The following MAP4 variants were observed in gnomAD, a reference collection of about 807,000 sequenced individuals.
MAP4 encodes the protein microtubule-associated protein 4.
MAP4 carries 76 observed loss-of-function variants against 170.2 expected under a neutral mutation model. That is an observed-to-expected ratio of 0.45 (90% CI 0.37 to 0.54). The LOEUF (loss-of-function observed/expected upper bound fraction) is 0.54. Among genes scored for constraint, MAP4 ranks in the 20% least tolerant of loss-of-function variants. The pLI is 0.00. For synonymous variants in MAP4, 909 were observed against 994.5 expected (o/e 0.91, Z 1.62); for missense variants, 2,506 against 2,748.0 (o/e 0.91, Z 1.97).
At chr3:48,054,225 G>A (rs1278581294) in intron 1 of MAP4, among the ~76,000 whole-genome samples, 1 of 151,994 alleles carries the variant, frequency 6.6e-6, no homozygotes, top group Non-Finnish European at 1.5e-5. Flanking sequence ...TTGAACCCAG[G>A]AGGCGGAGAT....
At chr3:47,999,543 C>T in intron 1 of MAP4, among the ~76,000 whole-genome samples, 1 of 152,082 alleles carries the variant, frequency 6.6e-6, no homozygotes. Flanking sequence ...AGATCATGTC[C>T]TTTGTGGGAA....
chr3:47,870,227 T>A (rs1230024906), intron 15 of MAP4, among the ~76,000 whole-genome samples: 2 of 152,090 alleles, frequency 1.3e-5, no homozygotes, highest in Admixed American at 6.6e-5. Context: ...AACCAGAAAA[T>A]CTTAACCACC....
At chr3:48,030,188 A>T (rs1044563322) in intron 1 of MAP4, among the ~76,000 whole-genome samples, 1 of 151,140 alleles carries the variant, frequency 6.6e-6, no homozygotes, top group African/African-American at 2.4e-5. Context: ...TAAGAATTTG[A>T]TTTCAGTCTT....
At chr3:47,940,077 A>G (rs2100055335) in intron 3 of MAP4, among the ~76,000 whole-genome samples, 1 of 152,072 alleles carries the variant, frequency 6.6e-6, no homozygotes, top group African/African-American at 2.4e-5. Context: ...ACCTCAGGTG[A>G]GCCACCCGCC....
At chr3:48,031,507 C>T (rs751153131) in intron 1 of MAP4, among the ~76,000 whole-genome samples, 1 of 151,800 alleles carries the variant, frequency 6.6e-6, no homozygotes, top group Non-Finnish European at 1.5e-5. Context: ...GCCAAGGTCG[C>T]GCCACTGCAC....
intron 3 of MAP4, among the ~76,000 whole-genome samples, chr3:47,949,197 G>A (rs2100062044): frequency 6.6e-6 from 1 of 152,066 alleles, no homozygotes; most frequent in Non-Finnish European, 1.5e-5. Flanking sequence ...TGGGCACGGT[G>A]GCTCACGCCT....
At chr3:47,861,687 C>G (rs1277520251) in intron 17 of MAP4, among the ~76,000 whole-genome samples, 1 of 151,810 alleles carries the variant, frequency 6.6e-6, no homozygotes, top group Non-Finnish European at 1.5e-5. Flanking sequence ...ACAACAACAA[C>G]AACAAGAACA....
At chr3:47,867,112 T>C in intron 17 of MAP4, 134 bp downstream of exon 17, 1 of 619,920 alleles carries the variant, frequency 1.6e-6, no homozygotes. Flanking sequence ...CCCCTCACTT[T>C]GCTAGTCTGC....
intron 1 of MAP4, chr3:48,039,276 A>G (rs2100120402): frequency 6.6e-6 from 1 of 152,596 alleles, no homozygotes; most frequent in African/African-American, 2.4e-5. Flanking sequence ...GCCTCTCACA[A>G]AGAATCTCCC....
At position 47,984,573 on chromosome 3, in the gene MAP4, T is replaced by G. The variant is rs182606015; in HGVS notation, c.224-6640A>C. Among the ~76,000 whole-genome samples, 814 of 152,140 alleles carry G rather than the reference T, an allele frequency of 5.4e-3. 6 individuals carry two copies. The highest frequency in any genetic ancestry group is 0.024 in the Middle Eastern group (7 of 294). On this transcript the variant is annotated intron_variant, in intron 2 of 20. Coordinates refer to ENST00000683076, the MANE Select transcript of MAP4 (RefSeq NM_001385682.1). Reference sequence around the variant, plus strand: ...GAGGCTGGGCGTGGTGGCTCATGCCTGTAATCCTAGCACTTTGGGAGGGTG... The same window carrying G: ...GAGGCTGGGCGTGGTGGCTCATGCCGGTAATCCTAGCACTTTGGGAGGGTG...
intron 2 of MAP4, among the ~76,000 whole-genome samples, chr3:47,992,866 C>T (rs959954120): frequency 6.7e-6 from 1 of 149,496 alleles, no homozygotes; most frequent in Non-Finnish European, 1.5e-5. Context: ...ACTGTGCCAC[C>T]GCACTCCAGC....
At position 47,853,205 on chromosome 3, in the gene MAP4, G is replaced by T; in HGVS notation, c.6844C>A (p.Gln2282Lys). The T allele has an allele frequency of 6.3e-7, 1 of 1,579,696 alleles. No individual in the cohort carries two copies. The highest frequency in any genetic ancestry group is 1.2e-5 in the South Asian group (1 of 86,142). The change falls in exon 20 of 21, where the codon CAA becomes AAA. Residue 2282 changes from glutamine (Q) to lysine (K), a missense_variant. By Grantham distance (53) the Gln-to-Lys change is moderately conservative. Around this residue, in one of 3 missense-constraint regions of MAP4, gnomAD observed 487 missense variants for 511.6 expected, o/e 0.95. Transcript: ENST00000683076. ...CTGTCCAAGGTCTGGGCCTCCCTTT[G>T]GTCACCACCCCCTGACAGGGTGGGG... ...GHPTLSGGGD[Q>K]REAQTLDSQI... is the part of the protein sequence containing the mutation.
chr3:47,942,379 T>G (rs2100057095), intron 3 of MAP4, among the ~76,000 whole-genome samples: 1 of 152,128 alleles, frequency 6.6e-6, no homozygotes, highest in Non-Finnish European at 1.5e-5. Context: ...ATTAAAAACT[T>G]TTTTTTCTAT....
At chr3:47,877,262 A>G in intron 11 of MAP4, 155 bp downstream of exon 11, 1 of 614,046 alleles carries the variant, frequency 1.6e-6, no homozygotes, top group African/African-American at 1.9e-5. Context: ...GTGGTAAATG[A>G]GAATACAAGA....
At chr3:47,938,683 C>A (rs1418406701) in intron 3 of MAP4, among the ~76,000 whole-genome samples, 1 of 152,172 alleles carries the variant, frequency 6.6e-6, no homozygotes, top group Non-Finnish European at 1.5e-5. Context: ...TATACCAGGC[C>A]CATATTTGAG....
At chr3:47,888,336 A>G (rs2097981451) in intron 10 of MAP4, among the ~76,000 whole-genome samples, 2 of 152,154 alleles carry the variant, frequency 1.3e-5, no homozygotes, top group South Asian at 4.1e-4. Flanking sequence ...GTTCTTTGCA[A>G]TAAATCTTGC....
rs1232379038 is a variant in MAP4 at position 47,855,496 on chromosome 3, C to A, written c.6584-136G>T. 2.4e-5 allele frequency: 16 copies of A among 659,946 alleles called. No individual in the cohort carries two copies. In the East Asian group the frequency reaches 4.1e-4, roughly 17 times the overall value. The allele number at this position is 659,946 out of a possible 1,614,324, so 40.9% of individuals were successfully genotyped here. A position where few individuals can be genotyped will look rare whatever the true frequency, so the allele number is the denominator to read the frequency against. ...TGGGTGGCAAATGAAGAACAGTGAA[C>A]ACGTTTGTCTAAAGAGGACTTCTCA... On this transcript the variant is annotated intron_variant, in intron 18 of 20. Transcript: ENST00000683076. This position sits in a 1 kb window ranked among gnomAD's most constrained non-coding sequence, Gnocchi z 5.1.
rs2100034630 is a variant in MAP4 at position 47,909,129 on chromosome 3, G to A, written c.5292C>T (p.Tyr1764=). ...GTCCTCGGGACTTGGTGGGTCTCATGTAGCCTTTCATTGGTTCTGCCATTC... is the reference window on the plus strand; with the variant it reads ...GTCCTCGGGACTTGGTGGGTCTCATATAGCCTTTCATTGGTTCTGCCATTC... ...KSRMAEPMKG[Y]MRPTKSRGLT... The change falls in exon 9 of 21, where the codon TAC becomes TAT. Residue 1764 remains tyrosine, a synonymous_variant. Coordinates refer to ENST00000683076, the MANE Select transcript of MAP4 (RefSeq NM_001385682.1). 4.3e-6 allele frequency: 7 copies of A among 1,613,996 alleles called. No homozygotes were observed. The highest frequency in any genetic ancestry group is 5.9e-6 in the Non-Finnish European group (7 of 1,179,872).
At chr3:48,025,669 C>T (rs902898950) in intron 1 of MAP4, among the ~76,000 whole-genome samples, 4 of 151,720 alleles carry the variant, frequency 2.6e-5, no homozygotes, top group Admixed American at 6.6e-5. Flanking sequence ...GCGGTCAAGG[C>T]GGGCAGCTCA....
Sources: allele counts gnomAD v4.1 joint callset (sites outside exome capture counted in the v4.1 genomes callset), GRCh38; gene constraint gnomAD v4.1.1; regional missense constraint gnomAD v4.1.1; non-coding constraint Gnocchi (gnomAD v3.1); transcripts MANE v1.5; gene names NCBI Gene and HGNC (gene_info 2026-07-23, HGNC 2026-07-21).